HCN1: variants seen among roughly 807,000 people sequenced by gnomAD.
The protein encoded by HCN1 is potassium/sodium hyperpolarization-activated cyclic nucleotide-gated channel 1.
A neutral mutation model predicts 78.9 loss-of-function variants in HCN1; 13 were observed. That is an observed-to-expected ratio of 0.16 (90% CI 0.11 to 0.26). HCN1 has a LOEUF of 0.26. Ranked by LOEUF, HCN1 falls within the 10% of genes least tolerant of loss-of-function variation. The probability of loss-of-function intolerance (pLI) is 1.00; values close to 1 mark genes in which losing one functional copy is unlikely to be tolerated. For synonymous variants in HCN1, 552 were observed against 455.5 expected (o/e 1.21, Z -2.70); for missense variants, 810 against 1,154.3 (o/e 0.70, Z 4.32).
intron 2 of HCN1, among the ~76,000 whole-genome samples, chr5:45,561,843 A>C (rs1253115414): frequency 6.6e-6 from 1 of 152,180 alleles, no homozygotes; most frequent in Non-Finnish European, 1.5e-5. Context: ...AACTCTGGAC[A>C]TGGAAACTTC....
intron 5 of HCN1, 99 bp downstream of exon 5, chr5:45,353,001 A>C (rs554356962): frequency 5.2e-6 from 5 of 959,840 alleles, no homozygotes; most frequent in Non-Finnish European, 8.1e-6. Flanking sequence ...TAATAAGTTT[A>C]GGTTTTTCTT....
At chr5:45,331,065 A>C (rs2111951962) in intron 5 of HCN1, among the ~76,000 whole-genome samples, 1 of 151,348 alleles carries the variant, frequency 6.6e-6, no homozygotes. Flanking sequence ...TTTCTTCATT[A>C]GTTTTTGAGA....
intron 1 of HCN1, among the ~76,000 whole-genome samples, chr5:45,686,033 C>T (rs1173650957): frequency 6.6e-6 from 1 of 151,904 alleles, no homozygotes; most frequent in Non-Finnish European, 1.5e-5. Flanking sequence ...AACTTCTAAG[C>T]ACTACATATA....
chr5:45,319,195 T>G (rs1746069939), intron 5 of HCN1, among the ~76,000 whole-genome samples: 1 of 151,966 alleles, frequency 6.6e-6, no homozygotes, highest in Non-Finnish European at 1.5e-5. Context: ...ATGCACTGAT[T>G]TGGCTTGAGT....
At chr5:45,451,887 T>A (rs1231390134) in intron 3 of HCN1, among the ~76,000 whole-genome samples, 1 of 152,000 alleles carries the variant, frequency 6.6e-6, no homozygotes, top group Admixed American at 6.6e-5. Flanking sequence ...ATCACATTGA[T>A]CACAGTAGCA....
chr5:45,392,349 T>A (rs1404933246), intron 4 of HCN1, among the ~76,000 whole-genome samples: 1 of 152,126 alleles, frequency 6.6e-6, no homozygotes, highest in East Asian at 1.9e-4. Flanking sequence ...GATCTATGGA[T>A]CATTAATTAA....
intron 5 of HCN1, among the ~76,000 whole-genome samples, chr5:45,320,243 T>C (rs1216701224): frequency 6.6e-6 from 1 of 151,882 alleles, no homozygotes; most frequent in Non-Finnish European, 1.5e-5. Context: ...GAAGCAAATC[T>C]ATACCACATG....
chr5:45,266,537 C>T (rs1185179734), intron 7 of HCN1, among the ~76,000 whole-genome samples: 3 of 151,966 alleles, frequency 2.0e-5, no homozygotes. Context: ...ATTGTTTTGG[C>T]ATCAGTCGGG....
rs1310890554 is a variant in HCN1, at chr5:45,255,007, T to C, written c.*6914A>G. On this transcript the variant is annotated 3_prime_UTR_variant, in exon 8 of 8. Transcript: ENST00000303230. ...TGTATTATTGATAGCATTAAAAATG[T>C]TACAGAAGGCAATGGACACATTGTA... The C allele has an allele frequency of 6.6e-6, 1 of 152,228 alleles. No individual in the cohort carries two copies. The highest frequency in any genetic ancestry group is 2.4e-5 in the African/African-American group (1 of 41,460). The allele number at this position is 152,228 out of a possible 1,614,324, so 9.4% of individuals were successfully genotyped here. A position where few individuals can be genotyped will look rare whatever the true frequency, so the allele number is the denominator to read the frequency against.
At chr5:45,403,509 G>A (rs1739863242) in intron 3 of HCN1, among the ~76,000 whole-genome samples, 1 of 152,108 alleles carries the variant, frequency 6.6e-6, no homozygotes, top group African/African-American at 2.4e-5. Flanking sequence ...GAAATGCCAA[G>A]CAAAAGGGAA....
At chr5:45,661,368 G>A (rs1373607540) in intron 1 of HCN1, among the ~76,000 whole-genome samples, 1 of 150,620 alleles carries the variant, frequency 6.6e-6, no homozygotes, top group Non-Finnish European at 1.5e-5. Flanking sequence ...ATCCAAAATC[G>A]ACACCCTAAC....
chr5:45,339,082 C>G (rs1283788233), intron 5 of HCN1, among the ~76,000 whole-genome samples: 1 of 152,124 alleles, frequency 6.6e-6, no homozygotes, highest in Non-Finnish European at 1.5e-5. Context: ...GCTTCCACTT[C>G]TAGGATCTCT....
intron 3 of HCN1, among the ~76,000 whole-genome samples, chr5:45,401,345 T>A (rs552138065): frequency 1.5e-4 from 23 of 151,696 alleles, no homozygotes; most frequent in African/African-American, 5.3e-4. Context: ...TCTAATGAAA[T>A]TTTTTTTTCC....
At chr5:45,292,169 C>T (rs537608036) in intron 6 of HCN1, among the ~76,000 whole-genome samples, 12 of 151,896 alleles carry the variant, frequency 7.9e-5, no homozygotes, top group Non-Finnish European at 1.5e-4. Flanking sequence ...CATGGAATAA[C>T]AATTTTCATT....
At chr5:45,558,586 C>T (rs964983878) in intron 2 of HCN1, 1 of 152,090 alleles carries the variant, frequency 6.6e-6, no homozygotes, top group Non-Finnish European at 1.5e-5. Context: ...TTTAAATCTT[C>T]AAAGGACAGG....
intron 2 of HCN1, among the ~76,000 whole-genome samples, chr5:45,570,275 G>A (rs1036780676): frequency 1.3e-5 from 2 of 151,416 alleles, no homozygotes; most frequent in African/African-American, 4.9e-5. Flanking sequence ...AAATTCTCAT[G>A]TAGATTCTTC....
rs188774268 is a variant in HCN1, at chr5:45,628,696, C to T, written c.849+16489G>A. On this transcript the variant is annotated intron_variant, in intron 2 of 7. Coordinates refer to ENST00000303230, the MANE Select transcript of HCN1 (RefSeq NM_021072.4). ...CACACATTGAAAATAAAATATAAGG[C>T]TGGGTGCAGTGGCTCACGCGTGTGA... Among the ~76,000 whole-genome samples, 265 of 152,164 alleles carry T rather than the reference C, an allele frequency of 1.7e-3. 2 individuals are homozygous for T. Among genetic ancestry groups the T allele is most frequent in the African/African-American group, 6.2e-3 (258 of 41,534 alleles).
intron 4 of HCN1, among the ~76,000 whole-genome samples, chr5:45,355,723 T>C (rs1746995222): frequency 6.6e-6 from 1 of 151,878 alleles, no homozygotes; most frequent in Non-Finnish European, 1.5e-5. Flanking sequence ...GGAACTTATG[T>C]TTTAAAATCA....
At chr5:45,624,144 GA>G (rs1745119876) in intron 2 of HCN1, among the ~76,000 whole-genome samples, 1 of 152,148 alleles carries the variant, frequency 6.6e-6, no homozygotes, top group Non-Finnish European at 1.5e-5. Context: ...CTCTTGATTA[GA>G]TTAGAGGCCA....
Sources: gnomAD v4.1 joint callset for allele counts (sites outside exome capture counted in the v4.1 genomes callset) on GRCh38, gnomAD v4.1.1 for gene constraint, MANE v1.5 for transcripts, NCBI Gene and HGNC (gene_info 2026-07-23, HGNC 2026-07-21) for gene names.